Variants in PIP5K1B observed in about 807,000 individuals in gnomAD.
The protein encoded by PIP5K1B is phosphatidylinositol-4-phosphate 5-kinase type 1 beta.
A neutral mutation model predicts 67.0 loss-of-function variants in PIP5K1B; 42 were observed. The ratio of observed to expected loss-of-function variants is 0.63; its 90% CI spans 0.49 to 0.81. PIP5K1B has a LOEUF of 0.81. PIP5K1B is among the 30% of genes least tolerant of loss of function. PIP5K1B has a pLI of 0.00. For synonymous variants in PIP5K1B, 214 were observed against 231.4 expected (o/e 0.92, Z 0.68); for missense variants, 459 against 646.3 (o/e 0.71, Z 3.14).
chr9:68,949,633 A>C (rs1344186689), intron 14 of PIP5K1B, among the ~76,000 whole-genome samples: 1 of 152,238 alleles, frequency 6.6e-6, no homozygotes, highest in Non-Finnish European at 1.5e-5. Flanking sequence ...GCCCTAAGCA[A>C]AAGTGACTTT....
intron 2 of PIP5K1B, among the ~76,000 whole-genome samples, chr9:68,771,530 T>G (rs1467140647): frequency 6.6e-6 from 1 of 152,210 alleles, no homozygotes; most frequent in Non-Finnish European, 1.5e-5. Context: ...ATTCCTCTAC[T>G]GTCACCTCAG....
intron 5 of PIP5K1B, among the ~76,000 whole-genome samples, chr9:68,866,358 G>A (rs996762525): frequency 5.9e-5 from 9 of 151,350 alleles, no homozygotes; most frequent in Non-Finnish European, 2.9e-5. Flanking sequence ...TGTGTAAAAT[G>A]AGTAAAAGTC....
chr9:68,863,770 T>C lies in PIP5K1B; in HGVS notation c.70-67T>C. The C allele has an allele frequency of 5.1e-6, 7 of 1,381,490 alleles. No homozygotes were observed. In the South Asian group the frequency reaches 7.0e-5, roughly 14 times the overall value. The allele number at this position is 1,381,490 out of a possible 1,614,324, so 85.6% of individuals were successfully genotyped here. Reference sequence around the variant, plus strand: ...AGAATTGAACCTCACTCATGTTTTGTTGCCTGTACCATTGAACAAGGCCCT... The same window carrying C: ...AGAATTGAACCTCACTCATGTTTTGCTGCCTGTACCATTGAACAAGGCCCT... On this transcript the variant is annotated intron_variant, in intron 4 of 15. Transcript: ENST00000265382.
intron 15 of PIP5K1B, among the ~76,000 whole-genome samples, chr9:68,991,591 CTG>C (rs1441145071): frequency 6.6e-6 from 1 of 152,188 alleles, no homozygotes; most frequent in African/African-American, 2.4e-5. Flanking sequence ...TTTGAATCTT[CTG>C]TGTGTTGGCG....
chr9:68,993,288 C>G (rs565359633), intron 15 of PIP5K1B, among the ~76,000 whole-genome samples: 3 of 152,270 alleles, frequency 2.0e-5, no homozygotes, highest in African/African-American at 4.8e-5. Flanking sequence ...CTTGGTGTTC[C>G]TCTCACAGAC....
chr9:68,879,316 C>G (rs1306819901), intron 6 of PIP5K1B, among the ~76,000 whole-genome samples: 1 of 152,076 alleles, frequency 6.6e-6, no homozygotes, highest in East Asian at 1.9e-4. Flanking sequence ...GCCTGTAATC[C>G]CAGCACCTCA....
At chr9:68,906,020 G>A (rs1192446428) in intron 8 of PIP5K1B, among the ~76,000 whole-genome samples, 2 of 151,944 alleles carry the variant, frequency 1.3e-5, no homozygotes, top group Non-Finnish European at 2.9e-5. Flanking sequence ...TTTCAATTTA[G>A]TGTTTTTTTA....
At chr9:68,922,904 T>A (rs1039191654) in intron 11 of PIP5K1B, among the ~76,000 whole-genome samples, 2 of 152,212 alleles carry the variant, frequency 1.3e-5, no homozygotes, top group Non-Finnish European at 2.9e-5. Flanking sequence ...TGTCTCCAAT[T>A]TTTGTTCATG....
chr9:68,756,872 G>A (rs1367925040), intron 2 of PIP5K1B, among the ~76,000 whole-genome samples: 3 of 152,104 alleles, frequency 2.0e-5, no homozygotes, highest in South Asian at 4.1e-4. Flanking sequence ...TATATTTTAT[G>A]TAGCCTAATA....
chr9:68,741,612 A>C (rs1829012112), intron 1 of PIP5K1B: 2 of 152,256 alleles, frequency 1.3e-5, no homozygotes, highest in African/African-American at 4.8e-5. Context: ...TTGTGGAATG[A>C]CCTCTACAAA....
chr9:68,866,432 CATATA>C (rs1259826570), intron 5 of PIP5K1B, among the ~76,000 whole-genome samples: 6 of 150,918 alleles, frequency 4.0e-5, no homozygotes, highest in East Asian at 1.9e-4. Context: ...CATATACACT[CATATA>C]ATATATATCT....
rs886960382 is a variant in PIP5K1B, at chr9:68,804,931, A to G, written c.-85-13530A>G. ...GTGTTTCATATGCATTGGCTGTGATAATGATTATTTATAGGACAGAGAGCA... is the reference window on the plus strand; with the variant it reads ...GTGTTTCATATGCATTGGCTGTGATGATGATTATTTATAGGACAGAGAGCA... On this transcript the variant is annotated intron_variant, in intron 2 of 15. Coordinates refer to ENST00000265382, the MANE Select transcript of PIP5K1B (RefSeq NM_003558.4). 2.6e-5 allele frequency among the ~76,000 whole-genome samples: 4 copies of G among 152,192 alleles called. 1 individual carries two copies. Among genetic ancestry groups the G allele is most frequent in the Non-Finnish European group, 5.9e-5 (4 of 68,036 alleles).
intron 2 of PIP5K1B, among the ~76,000 whole-genome samples, chr9:68,811,215 C>T (rs2132026446): frequency 6.6e-6 from 1 of 152,284 alleles, no homozygotes; most frequent in South Asian, 2.1e-4. Context: ...CATTGAGAAT[C>T]ATGTTTCTCA....
intron 2 of PIP5K1B, among the ~76,000 whole-genome samples, chr9:68,750,681 T>C (rs929002239): frequency 2.6e-5 from 4 of 152,228 alleles, no homozygotes; most frequent in African/African-American, 7.2e-5. Context: ...TGAGTTTGCA[T>C]TCTAGCACAC....
chr9:68,808,553 C>T (rs1252877952), intron 2 of PIP5K1B, among the ~76,000 whole-genome samples: 16 of 152,190 alleles, frequency 1.1e-4, no homozygotes, highest in Admixed American at 7.9e-4. Context: ...GCAACACATC[C>T]GTCATGGCTG....
At chr9:68,802,883 G>T (rs149805533) in intron 2 of PIP5K1B, among the ~76,000 whole-genome samples, 1 of 152,126 alleles carries the variant, frequency 6.6e-6, no homozygotes, top group Non-Finnish European at 1.5e-5. Flanking sequence ...GGAAGCCCTT[G>T]CAGGATTTTA....
chr9:68,935,831 A>G (rs1827237139), intron 13 of PIP5K1B: 1 of 152,208 alleles, frequency 6.6e-6, no homozygotes, highest in South Asian at 2.1e-4. Flanking sequence ...CTTCATAACC[A>G]TGAGCAGGTA....
At chr9:68,730,630 A>G (rs543977274) in intron 1 of PIP5K1B, among the ~76,000 whole-genome samples, 6 of 152,366 alleles carry the variant, frequency 3.9e-5, no homozygotes, top group African/African-American at 1.2e-4. Flanking sequence ...GTCATATACA[A>G]GTAAATTGCA....
Position 68,822,626 on chromosome 9 carries a change from T to G in PIP5K1B, c.12T>G (p.Ala4=). 1 of 1,613,068 alleles carries G rather than the reference T, an allele frequency of 6.2e-7. No homozygotes were observed. Among genetic ancestry groups the G allele is most frequent in the Non-Finnish European group, 8.5e-7 (1 of 1,179,200 alleles). ...TGTTTCTCTTGTAGATGTCTTCTGCTGCTGAAAATGGAGAGGCAGCACCTG... is the reference window on the plus strand; with the variant it reads ...TGTTTCTCTTGTAGATGTCTTCTGCGGCTGAAAATGGAGAGGCAGCACCTG... MSS[A]AENGEAAPGK... is the part of the protein sequence containing the mutation. The change falls in exon 4 of 16, where the codon GCT becomes GCG. Residue 4 remains alanine, a synonymous_variant. Coordinates refer to ENST00000265382, the MANE Select transcript of PIP5K1B (RefSeq NM_003558.4).
Sources: allele counts gnomAD v4.1 joint callset (sites outside exome capture counted in the v4.1 genomes callset), GRCh38; gene constraint gnomAD v4.1.1; transcripts MANE v1.5; gene names NCBI Gene and HGNC (gene_info 2026-07-23, HGNC 2026-07-21).